MAP2K5: variants seen among roughly 807,000 people sequenced by gnomAD.
The protein encoded by MAP2K5 is dual specificity mitogen-activated protein kinase kinase 5.
MAP2K5 carries 49 observed loss-of-function variants against 83.1 expected under a neutral mutation model. The ratio of observed to expected loss-of-function variants is 0.59; its 90% CI spans 0.47 to 0.75. The LOEUF (loss-of-function observed/expected upper bound fraction) is 0.75. Ranked by LOEUF, MAP2K5 falls within the 30% of genes least tolerant of loss-of-function variation. The probability of loss-of-function intolerance (pLI) is 0.00; values close to 1 mark genes in which losing one functional copy is unlikely to be tolerated. For synonymous variants in MAP2K5, 202 were observed against 191.8 expected (o/e 1.05, Z -0.44); for missense variants, 457 against 557.5 (o/e 0.82, Z 1.82).
Position 67,543,577 on chromosome 15 carries a change from G to A in MAP2K5, c.135+107G>A. 1 of 1,315,058 alleles carries A rather than the reference G, an allele frequency of 7.6e-7. No homozygotes were observed. Among genetic ancestry groups the A allele is most frequent in the Non-Finnish European group, 1.1e-6 (1 of 936,926 alleles). The allele number at this position is 1,315,058 out of a possible 1,614,324, so 81.5% of individuals were successfully genotyped here. On this transcript the variant is annotated intron_variant, in intron 1 of 21. Coordinates refer to ENST00000178640, the MANE Select transcript of MAP2K5 (RefSeq NM_145160.3). The surrounding 1 kb of genome is among the most constrained non-coding windows in gnomAD (Gnocchi z 4.3). Reference sequence around the variant, plus strand: ...TGAGCCAGTGGCAATGGCTACTGCTGGCTTCCTGTGGAGGCAGTTTTATTG... The same window carrying A: ...TGAGCCAGTGGCAATGGCTACTGCTAGCTTCCTGTGGAGGCAGTTTTATTG...
chr15:67,543,425 C>T lies in MAP2K5; in HGVS notation c.90C>T (p.Asp30=), dbSNP rs1430618377. The T allele has an allele frequency of 2.5e-6, 4 of 1,614,038 alleles. No individual in the cohort carries two copies. In the Admixed American group the frequency reaches 6.7e-5, roughly 27 times the overall value. ...RIKIPNSGAV[D]WTVHSGPQLL... ...AGATCCCAAATAGTGGCGCGGTGGACTGGACAGTGCACTCCGGGCCGCAGT... is the reference window on the plus strand; with the variant it reads ...AGATCCCAAATAGTGGCGCGGTGGATTGGACAGTGCACTCCGGGCCGCAGT... The change falls in exon 1 of 22, where the codon GAC becomes GAT. Residue 30 remains aspartate (D), a synonymous_variant. Transcript: ENST00000178640. This position sits in a 1 kb window ranked among gnomAD's most constrained non-coding sequence, Gnocchi z 4.3.
At chr15:67,574,220 G>C (rs1373381180) in intron 3 of MAP2K5, among the ~76,000 whole-genome samples, 1 of 152,176 alleles carries the variant, frequency 6.6e-6, no homozygotes, top group Non-Finnish European at 1.5e-5. Flanking sequence ...AGACAATGGT[G>C]GTCACTGGAC....
In MAP2K5 at chr15:67,542,816, C is replaced by T. The variant is rs1276564397; in HGVS notation, c.-520C>T. 1 of 153,552 alleles carries T rather than the reference C, an allele frequency of 6.5e-6. No homozygotes were observed. The highest frequency in any genetic ancestry group is 1.5e-5 in the Non-Finnish European group (1 of 68,674). The allele number at this position is 153,552 out of a possible 1,614,324, so 9.5% of individuals were successfully genotyped here. On this transcript the variant is annotated 5_prime_UTR_variant, in exon 1 of 22. Coordinates refer to ENST00000178640, the MANE Select transcript of MAP2K5 (RefSeq NM_145160.3). ...CCTGCGCGCGCCGCGCCCTGTGTCT[C>T]CGGGTGGGGCAGAAGACTCGCCCCT...
chr15:67,629,442 A>T (rs1362536664), intron 8 of MAP2K5, among the ~76,000 whole-genome samples: 1 of 151,862 alleles, frequency 6.6e-6, no homozygotes, highest in African/African-American at 2.4e-5. Flanking sequence ...CAATAGTCTG[A>T]TCATGATGCT....
chr15:67,662,620 A>C (rs74358924), intron 12 of MAP2K5, among the ~76,000 whole-genome samples: 1 of 152,140 alleles, frequency 6.6e-6, no homozygotes, highest in African/African-American at 2.4e-5. Flanking sequence ...CAATTTATAC[A>C]TAAAGATTTT....
intron 13 of MAP2K5, among the ~76,000 whole-genome samples, chr15:67,683,751 ACT>A (rs78551590): frequency 0.43 from 65,509 of 151,882 alleles, 14,824 homozygotes; most frequent in East Asian, 0.76. Flanking sequence ...CATGAGCAAG[ACT>A]CTGTCTCAAA....
chr15:67,747,661 G>A lies in MAP2K5; in HGVS notation c.1075-570G>A, dbSNP rs1384319678. Among the ~76,000 whole-genome samples the A allele has an allele frequency of 1.3e-5, 2 of 152,166 alleles. No homozygotes were observed. Among genetic ancestry groups the A allele is most frequent in the African/African-American group, 4.8e-5 (2 of 41,460 alleles). On this transcript the variant is annotated intron_variant, in intron 17 of 21. Transcript: ENST00000178640. This position sits in a 1 kb window ranked among gnomAD's most constrained non-coding sequence, Gnocchi z 4.1. ...GAATTTGATTTTCCCAGAGAGCATT[G>A]CTGCCCTGGAAACAGGCAGAAGGAA...
At position 67,736,461 on chromosome 15, in the gene MAP2K5, A is replaced by T. The variant is rs1016060640; in HGVS notation, c.1074+8516A>T. Among the ~76,000 whole-genome samples, 1 of 152,346 alleles carries T rather than the reference A, an allele frequency of 6.6e-6. No homozygotes were observed. Among genetic ancestry groups the T allele is most frequent in the Non-Finnish European group, 1.5e-5 (1 of 68,032 alleles). On this transcript the variant is annotated intron_variant, in intron 17 of 21. Transcript: ENST00000178640. This position sits in a 1 kb window ranked among gnomAD's most constrained non-coding sequence, Gnocchi z 4.3. ...TGGTAAACAAGAGCTAGGTAATATT[A>T]GTATTATTTATATTTCCAGAAAGTT...
chr15:67,711,957 T>C (rs1047363700), intron 16 of MAP2K5, among the ~76,000 whole-genome samples: 1 of 152,240 alleles, frequency 6.6e-6, no homozygotes, highest in Non-Finnish European at 1.5e-5. Flanking sequence ...TACAAACTAA[T>C]ATGAATTGCT....
At chr15:67,590,203 T>C (rs998488820) in intron 6 of MAP2K5, among the ~76,000 whole-genome samples, 5 of 152,168 alleles carry the variant, frequency 3.3e-5, no homozygotes, top group Non-Finnish European at 5.9e-5. Flanking sequence ...TAGTTTACAT[T>C]TGACCATAGC....
intron 13 of MAP2K5, among the ~76,000 whole-genome samples, chr15:67,687,639 G>A (rs1184847084): frequency 2.0e-5 from 3 of 152,152 alleles, no homozygotes; most frequent in African/African-American, 7.2e-5. Context: ...TCAGAATGAA[G>A]TGTCATTTTG....
Position 67,673,657 on chromosome 15 carries a change from G to T in MAP2K5, c.847+9012G>T, listed in dbSNP as rs534240561. Among the ~76,000 whole-genome samples the T allele has an allele frequency of 4.3e-3, 652 of 152,168 alleles. 8 individuals carry two copies. The highest frequency in any genetic ancestry group is 4.0e-3 in the Non-Finnish European group (270 of 67,990). On this transcript the variant is annotated intron_variant, in intron 13 of 21. Transcript: ENST00000178640. ...TGATTCTTAAACAAAAGAATTCTTG[G>T]AAAGTATTGCTATCAATAGAAAACT...
intron 21 of MAP2K5, among the ~76,000 whole-genome samples, chr15:67,787,775 A>G (rs999065710): frequency 6.6e-6 from 1 of 152,234 alleles, no homozygotes; most frequent in African/African-American, 2.4e-5. Flanking sequence ...TTTAAATGAG[A>G]TTTTTTAAAT....
At chr15:67,689,975 C>T (rs779041389) in intron 13 of MAP2K5, among the ~76,000 whole-genome samples, 119 of 152,218 alleles carry the variant, frequency 7.8e-4, no homozygotes, top group Admixed American at 2.2e-3. Flanking sequence ...TGCAGCCCAG[C>T]GCAAATTTGT....
chr15:67,596,959 CAGG>C (rs2141020195), intron 7 of MAP2K5, among the ~76,000 whole-genome samples: 1 of 152,210 alleles, frequency 6.6e-6, no homozygotes, highest in East Asian at 1.9e-4. Context: ...ATCACGAGGT[CAGG>C]AGATCAAGAC....
Position 67,677,451 on chromosome 15 carries a change from C to G in MAP2K5, c.847+12806C>G, listed in dbSNP as rs765931645. On this transcript the variant is annotated intron_variant, in intron 13 of 21. Transcript: ENST00000178640. The surrounding 1 kb of genome is among the most constrained non-coding windows in gnomAD (Gnocchi z 4.2). ...TTAAGTGCCAAGTAAGTGTTATCTA[C>G]CATAATTTTTTGTTATTTCTTTAAA... Among the ~76,000 whole-genome samples the G allele has an allele frequency of 5.3e-5, 8 of 152,160 alleles. No homozygotes were observed. The highest frequency in any genetic ancestry group is 1.0e-4 in the Non-Finnish European group (7 of 68,018).
chr15:67,594,508 T>C (rs1202713963), intron 7 of MAP2K5, among the ~76,000 whole-genome samples: 1 of 152,220 alleles, frequency 6.6e-6, no homozygotes, highest in East Asian at 1.9e-4. Context: ...TAACCTGTCA[T>C]AGACTCTTCT....
chr15:67,580,675 T>G, intron 3 of MAP2K5, 79 bp from the exon 4 acceptor site: 1 of 892,098 alleles, frequency 1.1e-6, no homozygotes. Context: ...ACAAAAGTAC[T>G]GTGAATTAAA....
chr15:67,603,195 G>A (rs984650014), intron 8 of MAP2K5, among the ~76,000 whole-genome samples: 1 of 152,180 alleles, frequency 6.6e-6, no homozygotes, highest in African/African-American at 2.4e-5. Flanking sequence ...TCTTCGTCTT[G>A]TGTAATCGAA....
Sources: allele counts gnomAD v4.1 joint callset (sites outside exome capture counted in the v4.1 genomes callset), GRCh38; gene constraint gnomAD v4.1.1; non-coding constraint Gnocchi (gnomAD v3.1); transcripts MANE v1.5; gene names NCBI Gene and HGNC (gene_info 2026-07-23, HGNC 2026-07-21).